The following TBC1D5 variants were observed in gnomAD, a reference collection of about 807,000 sequenced individuals.
TBC1D5 encodes TBC1 domain family member 5, also known as TBC1 domain family, member 5.
Under a neutral mutation model 100.3 loss-of-function variants are expected in TBC1D5, and 75 were observed. The observed-to-expected ratio is 0.75, with a 90% CI of 0.62 to 0.91. The LOEUF (loss-of-function observed/expected upper bound fraction) is 0.91, where lower values mean the gene tolerates loss of function less well. Among genes scored for constraint, TBC1D5 ranks in the 40% least tolerant of loss-of-function variants. The pLI, the probability that TBC1D5 is intolerant of heterozygous loss-of-function variation, is 0.00. For missense variants in TBC1D5, 910 were observed against 942.4 expected (o/e 0.97, Z 0.45); for synonymous variants, 323 against 325.6 (o/e 0.99, Z 0.09).
chr3:17,361,505 T>G (rs1281369307), intron 13 of TBC1D5, among the ~76,000 whole-genome samples: 2 of 151,948 alleles, frequency 1.3e-5, no homozygotes, highest in Admixed American at 1.3e-4. Flanking sequence ...TTCACCAAGC[T>G]CTACTATATT....
chr3:17,399,631 CT>C (rs1457083514), intron 8 of TBC1D5, among the ~76,000 whole-genome samples: 2 of 152,096 alleles, frequency 1.3e-5, no homozygotes, highest in Non-Finnish European at 2.9e-5. Context: ...CCATAATTAT[CT>C]TTGTAGGTAT....
chr3:17,166,408 C>T (rs1459341597), intron 21 of TBC1D5, among the ~76,000 whole-genome samples: 1 of 152,142 alleles, frequency 6.6e-6, no homozygotes, highest in Non-Finnish European at 1.5e-5. Flanking sequence ...GACAGTACTT[C>T]CTAAAGGGGA....
chr3:17,546,025 TA>T lies in TBC1D5; in HGVS notation c.-35-37421del, dbSNP rs576270745. Among the ~76,000 whole-genome samples, 9 of 152,230 alleles carry T rather than the reference TA, an allele frequency of 5.9e-5. No homozygotes were observed. In the South Asian group the frequency reaches 1.7e-3, roughly 28 times the overall value. On this transcript the variant is annotated intron_variant, in intron 2 of 21. Coordinates refer to ENST00000253692, the Ensembl canonical transcript of TBC1D5. ...TGTACATAGCAAACTGAAATGTCTT[TA>T]AAAAAATTAGCAATTAAATATAATA...
intron 13 of TBC1D5, among the ~76,000 whole-genome samples, chr3:17,340,139 G>A (rs1055798532): frequency 6.6e-6 from 1 of 152,090 alleles, no homozygotes; most frequent in Non-Finnish European, 1.5e-5. Flanking sequence ...ACGGGTACTG[G>A]GGGGTAAAGT....
chr3:17,558,116 AAAC>A (rs2096534027), intron 2 of TBC1D5, among the ~76,000 whole-genome samples: 1 of 152,198 alleles, frequency 6.6e-6, no homozygotes, highest in Non-Finnish European at 1.5e-5. Context: ...TAGCTCCCAA[AAAC>A]AACAATAAAC....
chr3:17,304,676 G>A (rs567499802), intron 14 of TBC1D5, among the ~76,000 whole-genome samples: 1 of 152,296 alleles, frequency 6.6e-6, no homozygotes, highest in South Asian at 2.1e-4. Flanking sequence ...AAAATGCTGG[G>A]ATTACAGTTT....
intron 17 of TBC1D5, among the ~76,000 whole-genome samples, chr3:17,225,919 G>A (rs539218097): frequency 4.6e-5 from 7 of 152,168 alleles, no homozygotes; most frequent in Admixed American, 2.6e-4. Context: ...TAGAGATGAA[G>A]TATAGAGGAA....
chr3:17,245,456 G>C (rs2076660597), intron 16 of TBC1D5, among the ~76,000 whole-genome samples: 1 of 151,816 alleles, frequency 6.6e-6, no homozygotes, highest in Non-Finnish European at 1.5e-5. Flanking sequence ...CTTTAGAGTT[G>C]AATTTCAAGG....
At chr3:17,648,011 A>G (rs1391210599) in intron 1 of TBC1D5, among the ~76,000 whole-genome samples, 6 of 152,218 alleles carry the variant, frequency 3.9e-5, no homozygotes, top group Non-Finnish European at 5.9e-5. Context: ...ACTAAAAAAG[A>G]CACCGAATAG....
intron 3 of TBC1D5, among the ~76,000 whole-genome samples, chr3:17,444,202 C>T (rs1389158336): frequency 7.9e-5 from 12 of 151,814 alleles, no homozygotes; most frequent in Admixed American, 5.3e-4. Context: ...ACATTAAAAA[C>T]TTGTACACTT....
intron 1 of TBC1D5, among the ~76,000 whole-genome samples, chr3:17,719,624 G>C (rs2075530158): frequency 6.6e-6 from 1 of 152,082 alleles, no homozygotes; most frequent in African/African-American, 2.4e-5. Flanking sequence ...CTATTCCTAT[G>C]AGGACTGACT....
intron 1 of TBC1D5, among the ~76,000 whole-genome samples, chr3:17,660,436 CAAGT>C (rs944014418): frequency 5.3e-5 from 8 of 152,186 alleles, no homozygotes; most frequent in African/African-American, 1.7e-4. Flanking sequence ...ATCCTTCCTG[CAAGT>C]AAGTGCTTCA....
At chr3:17,508,913 T>C (rs975305541) in intron 2 of TBC1D5, among the ~76,000 whole-genome samples, 12 of 152,188 alleles carry the variant, frequency 7.9e-5, no homozygotes, top group Non-Finnish European at 1.8e-4. Context: ...ATTTATAGCA[T>C]CCTTTTGTTT....
intron 3 of TBC1D5, among the ~76,000 whole-genome samples, chr3:17,475,754 TACAC>T (rs1559970047): frequency 6.6e-6 from 1 of 152,124 alleles, no homozygotes; most frequent in African/African-American, 2.4e-5. Flanking sequence ...ACAATGTTCT[TACAC>T]ACAATTCTTG....
At chr3:17,482,021 A>G (rs3935701) in intron 3 of TBC1D5, among the ~76,000 whole-genome samples, 13,858 of 152,308 alleles carry the variant, frequency 0.091, 1,426 homozygotes, top group African/African-American at 0.25. Flanking sequence ...GATTACAGGC[A>G]TGGGCCACCG....
At chr3:17,335,531 A>T (rs776654428) in intron 13 of TBC1D5, among the ~76,000 whole-genome samples, 4 of 152,240 alleles carry the variant, frequency 2.6e-5, no homozygotes, top group African/African-American at 9.6e-5. Flanking sequence ...CATTTAAAAA[A>T]TTTCCTTGGT....
At chr3:17,317,576 C>T (rs1211457845) in intron 13 of TBC1D5, among the ~76,000 whole-genome samples, 1 of 152,058 alleles carries the variant, frequency 6.6e-6, no homozygotes, top group Admixed American at 6.6e-5. Flanking sequence ...AAATTTAATG[C>T]CCATACAACT....
chr3:17,559,314 C>T (rs545657014), intron 2 of TBC1D5, among the ~76,000 whole-genome samples: 3 of 151,212 alleles, frequency 2.0e-5, no homozygotes, highest in African/African-American at 7.3e-5. Flanking sequence ...TAATTTTTTG[C>T]ATTTTTGGTA....
chr3:17,710,025 C>G (rs1182021054), intron 1 of TBC1D5, among the ~76,000 whole-genome samples: 4 of 152,046 alleles, frequency 2.6e-5, no homozygotes, highest in Non-Finnish European at 2.9e-5. Flanking sequence ...GCCTTGTGCT[C>G]AATCTAAAGA....
Sources: allele counts gnomAD v4.1 joint callset (sites outside exome capture counted in the v4.1 genomes callset), GRCh38; gene constraint gnomAD v4.1.1; transcripts MANE v1.5; gene names NCBI Gene and HGNC (gene_info 2026-07-23, HGNC 2026-07-21).